The following TXNL4A variants were observed in gnomAD, a reference collection of about 807,000 sequenced individuals.
TXNL4A encodes thioredoxin-like protein 4A.
In TXNL4A, 17 loss-of-function variants were observed where a neutral mutation model predicts 14.6. The observed-to-expected ratio is 1.16, with a 90% CI of 0.80 to 1.74. The LOEUF (loss-of-function observed/expected upper bound fraction) is 1.74. Among genes scored for constraint, TXNL4A ranks in the 40% most tolerant of loss-of-function variants. TXNL4A has a pLI of 0.00. For missense variants in TXNL4A, 74 were observed against 195.2 expected (o/e 0.38, Z 3.70); for synonymous variants, 83 against 70.6 (o/e 1.18, Z -0.88).
At chr18:79,984,266 A>T (rs980896377) in intron 1 of TXNL4A, among the ~76,000 whole-genome samples, 1 of 152,132 alleles carries the variant, frequency 6.6e-6, no homozygotes, top group African/African-American at 2.4e-5. Context: ...AAGTTCCATA[A>T]ATATATATCT....
upstream of TXNL4A, among the ~76,000 whole-genome samples, chr18:79,989,251 A>T (rs1039552165): frequency 3.3e-5 from 5 of 152,102 alleles, no homozygotes; most frequent in African/African-American, 9.7e-5. Context: ...ATAAGCTGGG[A>T]CTACAAGGCG....
rs1050105031 is a variant in TXNL4A at position 79,993,731 on chromosome 18, G to A, written c.-60-16030C>T. Among the ~76,000 whole-genome samples, 3 of 152,158 alleles carry A rather than the reference G, an allele frequency of 2.0e-5. No homozygotes were observed. The highest frequency in any genetic ancestry group is 7.2e-5 in the African/African-American group (3 of 41,434). ...AAATAAGAGCACTTTACTCCCCTCA[G>A]CCTTTCGGGGCATTCTTAGGCAACT... On this transcript the variant is annotated intron_variant, in intron 1 of 2. Coordinates refer to the TXNL4A transcript ENST00000585474. The surrounding 1 kb of genome is among the most constrained non-coding windows in gnomAD (Gnocchi z 4.4).
At chr18:79,978,947 C>CT (rs952833652) in intron 1 of TXNL4A, among the ~76,000 whole-genome samples, 1 of 139,596 alleles carries the variant, frequency 7.2e-6, no homozygotes. Context: ...TTTTTTTTTT[C>CT]TTTTTTTTGA....
At chr18:79,981,319 T>C (rs1248158992) in intron 1 of TXNL4A, among the ~76,000 whole-genome samples, 1 of 152,182 alleles carries the variant, frequency 6.6e-6, no homozygotes, top group African/African-American at 2.4e-5. Context: ...TTCTTGCACG[T>C]AAAAAATAGT....
chr18:79,999,290 C>T (rs2051683140), intron 1 of TXNL4A, among the ~76,000 whole-genome samples: 1 of 152,108 alleles, frequency 6.6e-6, no homozygotes, highest in Non-Finnish European at 1.5e-5. Context: ...AATCCCAGCA[C>T]TTTGGGAGGC....
At chr18:79,997,175 C>A (rs1467356795) in intron 1 of TXNL4A, among the ~76,000 whole-genome samples, 1 of 152,056 alleles carries the variant, frequency 6.6e-6, no homozygotes, top group African/African-American at 2.4e-5. Flanking sequence ...CTTATACTCT[C>A]AGTCAAATAC....
intron 1 of TXNL4A, chr18:79,979,376 T>G (rs1447900580): frequency 6.6e-6 from 1 of 152,214 alleles, no homozygotes; most frequent in Non-Finnish European, 1.5e-5. Context: ...AAATCTCAGG[T>G]TGAAACGTAA....
At chr18:80,003,515 T>C (rs1055096418) in intron 1 of TXNL4A, among the ~76,000 whole-genome samples, 1 of 152,250 alleles carries the variant, frequency 6.6e-6, no homozygotes, top group African/African-American at 2.4e-5. Flanking sequence ...TCTCTTCCCT[T>C]TTCCTTGTCT....
intron 1 of TXNL4A, among the ~76,000 whole-genome samples, chr18:79,997,199 A>C (rs1568373401): frequency 6.6e-6 from 1 of 152,048 alleles, no homozygotes; most frequent in African/African-American, 2.4e-5. Flanking sequence ...TATAGGGAAA[A>C]TATTCTCAGC....
Position 79,977,600 on chromosome 18 carries a change from G to A in TXNL4A, c.255C>T (p.Phe85=), listed in dbSNP as rs2051398276. The A allele has an allele frequency of 2.5e-6, 4 of 1,598,766 alleles. No homozygotes were observed. The highest frequency in any genetic ancestry group is 3.4e-6 in the Non-Finnish European group (4 of 1,173,102). The part of the protein sequence containing the change: ...LYDPCTVMFF[F]RNKHIMIDLG... ...GTAACAACTTTAAGATAACGTACCT[G>A]AAGAAAAACATGACAGTACATGGAT... is the stretch of plus-strand genomic sequence containing the variant. The change falls in exon 2 of 3, where the codon TTC becomes TTT. Residue 85 remains phenylalanine, a splice_region_variant and synonymous_variant. Coordinates refer to ENST00000269601, the MANE Select transcript of TXNL4A (RefSeq NM_006701.5).
At chr18:80,020,154 C>G (rs1345341536) in intron 1 of TXNL4A, among the ~76,000 whole-genome samples, 2 of 152,202 alleles carry the variant, frequency 1.3e-5, no homozygotes, top group African/African-American at 2.4e-5. Flanking sequence ...TCTCTTTGCC[C>G]ACCACCATCC....
intron 1 of TXNL4A, among the ~76,000 whole-genome samples, chr18:80,002,611 G>A (rs954714062): frequency 4.6e-5 from 7 of 152,144 alleles, no homozygotes; most frequent in African/African-American, 1.7e-4. Flanking sequence ...TTAAAATGAG[G>A]CTGGGTGTAT....
At chr18:80,007,230 T>C (rs1599744845) in intron 1 of TXNL4A, among the ~76,000 whole-genome samples, 1 of 152,004 alleles carries the variant, frequency 6.6e-6, no homozygotes, top group Non-Finnish European at 1.5e-5. Flanking sequence ...AGACACCGAG[T>C]TGTAGAAGGA....
chr18:79,997,507 T>C (rs1446807796), intron 1 of TXNL4A, among the ~76,000 whole-genome samples: 1 of 152,094 alleles, frequency 6.6e-6, no homozygotes, highest in Non-Finnish European at 1.5e-5. Context: ...CTATCAACTA[T>C]ACCCAGTACC....
At chr18:80,013,159 C>G (rs1048027203) in intron 1 of TXNL4A, among the ~76,000 whole-genome samples, 15 of 147,360 alleles carry the variant, frequency 1.0e-4, no homozygotes, top group African/African-American at 3.8e-4. Context: ...CTGGCTCTGT[C>G]CCCCAGGCTG....
chr18:79,987,629 G>T (rs2047073529), intron 1 of TXNL4A, among the ~76,000 whole-genome samples: 1 of 152,166 alleles, frequency 6.6e-6, no homozygotes, highest in Admixed American at 6.5e-5. Flanking sequence ...AACTTTTATT[G>T]TCAGCAAGTA....
chr18:79,988,794 C>T (rs1314127910), upstream of TXNL4A, among the ~76,000 whole-genome samples: 2 of 151,484 alleles, frequency 1.3e-5, no homozygotes, highest in Admixed American at 6.6e-5. Context: ...CCGGGCTCGC[C>T]GTGCCCTGCC....
intron 1 of TXNL4A, among the ~76,000 whole-genome samples, chr18:80,008,168 T>C (rs1231507140): frequency 6.6e-6 from 1 of 152,218 alleles, no homozygotes; most frequent in Non-Finnish European, 1.5e-5. Flanking sequence ...CCGGGTGTTA[T>C]GAGTGTGCTC....
chr18:80,032,677 T>C lies in TXNL4A; in HGVS notation c.-61+1174A>G, dbSNP rs1599761011. 4.6e-5 allele frequency among the ~76,000 whole-genome samples: 7 copies of C among 152,136 alleles called. 2 individuals are homozygous for C. The highest frequency in any genetic ancestry group is 4.6e-4 in the Admixed American group (7 of 15,284). Reference sequence around the variant, plus strand: ...CAACATGGGGAAACACCGTCTCTATTAAAAATACAAAAAGTAGCTGGGTGT... The same window carrying C: ...CAACATGGGGAAACACCGTCTCTATCAAAAATACAAAAAGTAGCTGGGTGT... On this transcript the variant is annotated intron_variant, in intron 1 of 2. Coordinates refer to the TXNL4A transcript ENST00000585474.
Sources: gnomAD v4.1 joint callset for allele counts (sites outside exome capture counted in the v4.1 genomes callset) on GRCh38, gnomAD v4.1.1 for gene constraint, Gnocchi (gnomAD v3.1) non-coding constraint, MANE v1.5 for transcripts, NCBI Gene and HGNC (gene_info 2026-07-23, HGNC 2026-07-21) for gene names.